SLC5A4: variants seen among roughly 807,000 people sequenced by gnomAD.
SLC5A4 encodes probable glucose sensor protein SLC5A4.
Under a neutral mutation model 70.3 loss-of-function variants are expected in SLC5A4, and 55 were observed. The ratio of observed to expected loss-of-function variants is 0.78; its 90% CI spans 0.63 to 0.98. SLC5A4 has a LOEUF of 0.98. Ranked by LOEUF, SLC5A4 falls within the 50% of genes least tolerant of loss-of-function variation. The pLI is 0.00. For synonymous variants in SLC5A4, 268 were observed against 305.7 expected (o/e 0.88, Z 1.29); for missense variants, 735 against 839.2 (o/e 0.88, Z 1.53).
At chr22:32,352,407 T>TA in the SLC5A4 span, among the ~76,000 whole-genome samples, 651 of 138,116 alleles carry the variant, frequency 4.7e-3, 3 homozygotes, top group Non-Finnish European at 7.7e-3. Flanking sequence ...CCCCAGAAAT[T>TA]AAAAAAAAAA....
chr22:32,276,050 A>T, the SLC5A4 span, among the ~76,000 whole-genome samples: 16 of 152,218 alleles, frequency 1.1e-4, no homozygotes, highest in Admixed American at 7.9e-4. Context: ...CTTCGCCACA[A>T]TTTTTTTAAA....
chr22:32,334,103 CAT>C, the SLC5A4 span, among the ~76,000 whole-genome samples: 2 of 149,584 alleles, frequency 1.3e-5, no homozygotes, highest in African/African-American at 5.0e-5. Flanking sequence ...ACACACATCA[CAT>C]AGACCCACAC....
chr22:32,344,755 AT>A, the SLC5A4 span, among the ~76,000 whole-genome samples: 1 of 152,184 alleles, frequency 6.6e-6, no homozygotes, highest in East Asian at 1.9e-4. Context: ...AATACAGTAT[AT>A]TTTACAGTTA....
chr22:32,256,346 C>A (rs1457270378), upstream of SLC5A4, among the ~76,000 whole-genome samples: 2 of 151,960 alleles, frequency 1.3e-5, no homozygotes, highest in East Asian at 1.9e-4. Context: ...AAAACAAAAC[C>A]AAAAACACAC....
chr22:32,239,358 T>C (rs1926249964), intron 5 of SLC5A4, among the ~76,000 whole-genome samples: 1 of 150,114 alleles, frequency 6.7e-6, no homozygotes, highest in African/African-American at 2.4e-5. Context: ...TCCTGAGAAC[T>C]TTTTCTGTAT....
chr22:32,273,197 A>G, the SLC5A4 span: 1 of 369,124 alleles, frequency 2.7e-6, no homozygotes, highest in Non-Finnish European at 5.4e-6. Context: ...ACTTTCTGGA[A>G]GACCATCTGA....
chr22:32,299,920 GGT>G, the SLC5A4 span, among the ~76,000 whole-genome samples: 1 of 114,054 alleles, frequency 8.8e-6, no homozygotes, highest in Admixed American at 9.4e-5. Context: ...TGCCGTGTGA[GGT>G]GTCAGTGTGC....
chr22:32,229,209 A>G lies in SLC5A4; in HGVS notation c.1265T>C (p.Leu422Pro). 6.2e-7 allele frequency: 1 copy of G among 1,614,068 alleles called. No individual in the cohort carries two copies. Among genetic ancestry groups the G allele is most frequent in the Non-Finnish European group, 8.5e-7 (1 of 1,179,984 alleles). The change falls in exon 11 of 15, where the codon CTC (leucine) becomes CCC (proline). Residue 422 changes from leucine to proline, a missense_variant. Leu to Pro is a moderately conservative substitution (Grantham distance 98). Coordinates refer to ENST00000266086, the MANE Select transcript of SLC5A4 (RefSeq NM_014227.3). ...GTTCACTCACCGTCCAGCTATCAGG[A>G]GCTCTTTCTCCGACGCTTGCTTCCG... The part of the protein sequence containing the change: ...KMRKQASEKE[L>P]LIAGRIFVLL...
chr22:32,351,402 T>C, the SLC5A4 span, among the ~76,000 whole-genome samples: 136 of 152,020 alleles, frequency 8.9e-4, 2 homozygotes, highest in South Asian at 0.017. Flanking sequence ...GGACCGATCA[T>C]TTTTAAAATA....
At chr22:32,313,993 C>G in the SLC5A4 span, among the ~76,000 whole-genome samples, 2 of 152,200 alleles carry the variant, frequency 1.3e-5, no homozygotes, top group South Asian at 4.1e-4. Flanking sequence ...CAGTTCTTAA[C>G]TGATAAACCA....
the SLC5A4 span, chr22:32,272,968 C>G: frequency 3.7e-6 from 2 of 539,292 alleles, no homozygotes; most frequent in East Asian, 1.0e-4. Context: ...GAATGCTGTG[C>G]TGCAAGCTGC....
At chr22:32,270,261 C>T in the SLC5A4 span, 2 of 730,138 alleles carry the variant, frequency 2.7e-6, no homozygotes, top group South Asian at 2.8e-5. Context: ...AGCCTGCCTT[C>T]CTGTCTGAAG....
At chr22:32,340,300 C>G in the SLC5A4 span, among the ~76,000 whole-genome samples, 6 of 152,178 alleles carry the variant, frequency 3.9e-5, no homozygotes, top group African/African-American at 9.7e-5. Context: ...GTTCATTGAT[C>G]GGACACTGTC....
the SLC5A4 span, chr22:32,271,243 C>T: frequency 5.0e-6 from 4 of 794,714 alleles, no homozygotes; most frequent in Non-Finnish European, 8.6e-6. Flanking sequence ...CCCTGTGGGG[C>T]AGCGGGTCCT....
At chr22:32,335,233 C>T in the SLC5A4 span, among the ~76,000 whole-genome samples, 8 of 152,214 alleles carry the variant, frequency 5.3e-5, no homozygotes, top group South Asian at 4.1e-4. Flanking sequence ...CAGCCGCTTC[C>T]GCCTCCCACG....
chr22:32,295,546 C>T, the SLC5A4 span, among the ~76,000 whole-genome samples: 2 of 105,510 alleles, frequency 1.9e-5, 1 homozygote, highest in Non-Finnish European at 4.1e-5. Flanking sequence ...ATTGTAGATT[C>T]TGGATATTAG....
intron 5 of SLC5A4, among the ~76,000 whole-genome samples, chr22:32,244,858 G>T (rs1306267886): frequency 1.3e-5 from 2 of 152,112 alleles, no homozygotes; most frequent in African/African-American, 4.8e-5. Flanking sequence ...TTATTGTGAT[G>T]AAACATATAT....
chr22:32,267,307 G>A, the SLC5A4 span, among the ~76,000 whole-genome samples: 2 of 152,170 alleles, frequency 1.3e-5, no homozygotes, highest in Non-Finnish European at 2.9e-5. Flanking sequence ...AATAAGGTGG[G>A]AGGAGGGACA....
At chr22:32,343,932 A>G in the SLC5A4 span, among the ~76,000 whole-genome samples, 399 of 152,334 alleles carry the variant, frequency 2.6e-3, 2 homozygotes, top group African/African-American at 9.2e-3. Flanking sequence ...TCTTTAGTGT[A>G]TATCTCCACC....
Sources: allele counts gnomAD v4.1 joint callset (sites outside exome capture counted in the v4.1 genomes callset), GRCh38; gene constraint gnomAD v4.1.1; transcripts MANE v1.5; gene names NCBI Gene and HGNC (gene_info 2026-07-23, HGNC 2026-07-21).